PEX11G: variants seen among roughly 807,000 people sequenced by gnomAD.
PEX11G encodes the protein peroxisomal biogenesis factor 11 gamma, also known as peroxisomal membrane protein 11C.
PEX11G carries 20 observed loss-of-function variants against 22.5 expected under a neutral mutation model. The observed-to-expected ratio is 0.89, with a 90% CI of 0.62 to 1.29. The LOEUF (loss-of-function observed/expected upper bound fraction) is 1.29. PEX11G is among the 50% of genes most tolerant of loss of function. The probability of loss-of-function intolerance (pLI) is 0.00; values close to 1 mark genes in which losing one functional copy is unlikely to be tolerated. For missense variants in PEX11G, 347 were observed against 331.3 expected (o/e 1.05, Z -0.37); for synonymous variants, 141 against 154.5 (o/e 0.91, Z 0.65).
At chr19:7,489,256 G>C (rs913422933), upstream of PEX11G, 1 of 1,247,190 alleles carries the variant, frequency 8.0e-7, no homozygotes, top group African/African-American at 1.6e-5. Context: ...CCCCACGGCG[G>C]TTTGGCCAAC....
At chr19:7,485,204 C>A (rs1469348133) in intron 2 of PEX11G, among the ~76,000 whole-genome samples, 1 of 152,128 alleles carries the variant, frequency 6.6e-6, no homozygotes, top group Non-Finnish European at 1.5e-5. Flanking sequence ...AGTCTCGCTC[C>A]ATTGCCCAGG....
intron 1 of PEX11G, among the ~76,000 whole-genome samples, chr19:7,486,675 C>G (rs1378088650): frequency 2.6e-5 from 4 of 151,994 alleles, no homozygotes; most frequent in Admixed American, 6.6e-5. Flanking sequence ...TCTCGGCTCA[C>G]TGCAAGCTCC....
chr19:7,490,832 G>A (rs1166640791), upstream of PEX11G: 1 of 151,574 alleles, frequency 6.6e-6, no homozygotes, highest in Non-Finnish European at 1.5e-5. Flanking sequence ...AGAGTGCAGC[G>A]GCACGATCTT....
At chr19:7,483,962 C>A (rs576477760) in intron 2 of PEX11G, among the ~76,000 whole-genome samples, 53 of 151,954 alleles carry the variant, frequency 3.5e-4, no homozygotes, top group African/African-American at 9.9e-4. Context: ...CCTTAGAAAT[C>A]ATTGCCCTGT....
chr19:7,491,816 C>T (rs2021895723), upstream of PEX11G, among the ~76,000 whole-genome samples: 1 of 151,978 alleles, frequency 6.6e-6, no homozygotes, highest in African/African-American at 2.4e-5. Context: ...CCACATCTGG[C>T]CAATTTTTAA....
chr19:7,494,535 C>T lies in PEX11G; in HGVS notation c.-457+2868G>A, dbSNP rs548432811. Among the ~76,000 whole-genome samples the T allele has an allele frequency of 5.9e-5, 9 of 152,288 alleles. No homozygotes were observed. In the South Asian group the frequency reaches 1.2e-3, roughly 21 times the overall value. The stretch of plus-strand genomic sequence containing the variant: ...CTTGGAACAGCGCAATGCATTTGCC[C>T]GAATGCTTCCTGTGTGCCGGGTCCC... On this transcript the variant is annotated intron_variant, in intron 1 of 6. Coordinates refer to the PEX11G transcript ENST00000593942.
rs1568378267 is a variant in PEX11G, at chr19:7,478,395, A to G, written c.429-19T>C. ...CAGGGACCTGCAGCACCAGAGCCCG[A>G]GGGAGGATGCCCCGGCGGGGAGCAG... On this transcript the variant is annotated intron_variant, in intron 3 of 4. Coordinates refer to ENST00000221480, the MANE Select transcript of PEX11G (RefSeq NM_080662.4). 1.2e-5 allele frequency: 19 copies of G among 1,602,904 alleles called. No homozygotes were observed. In the South Asian group the frequency reaches 2.1e-4, roughly 18 times the overall value.
At chr19:7,478,615 A>G (rs925774068) in intron 3 of PEX11G, among the ~76,000 whole-genome samples, 3 of 152,022 alleles carry the variant, frequency 2.0e-5, no homozygotes, top group Non-Finnish European at 4.4e-5. Flanking sequence ...GTGGCCATCC[A>G]GGGCCTGGCC....
In PEX11G at chr19:7,477,010, T is replaced by C. The variant is rs1034893239; in HGVS notation, c.*192A>G. ...TGCTGCTGAAGCCCTGCACGGCCCC[T>C]GAAAACTGTCACGGCTCAGGAGCTC... is the stretch of plus-strand genomic sequence containing the variant. On this transcript the variant is annotated 3_prime_UTR_variant, in exon 5 of 5. Coordinates refer to ENST00000221480, the MANE Select transcript of PEX11G (RefSeq NM_080662.4). 6.6e-6 allele frequency: 3 copies of C among 452,718 alleles called. No homozygotes were observed. Among genetic ancestry groups the C allele is most frequent in the Non-Finnish European group, 1.1e-5 (3 of 267,250 alleles). The allele number at this position is 452,718 out of a possible 1,614,324, so 28.0% of individuals were successfully genotyped here. A position where few individuals can be genotyped will look rare whatever the true frequency, so the allele number is the denominator to read the frequency against.
chr19:7,493,906 ACT>A (rs1233129499), upstream of PEX11G, among the ~76,000 whole-genome samples: 325 of 124,560 alleles, frequency 2.6e-3, no homozygotes, highest in African/African-American at 9.5e-3. Flanking sequence ...TGGGGGGGTC[ACT>A]CTTTTTTTTT....
Position 7,482,174 on chromosome 19 carries a change from C to T in PEX11G, c.287G>A (p.Gly96Glu). ...DAFVRCVSVL[G>E]NLADQLYYPC... Reference sequence around the variant, plus strand: ...GTAGTAGAGCTGGTCAGCCAGGTTCCCTAGGACGGAGACACAGCGGACAAA... The same window carrying T: ...GTAGTAGAGCTGGTCAGCCAGGTTCTCTAGGACGGAGACACAGCGGACAAA... Residue 96 changes from glycine to glutamate, a missense_variant, in exon 3 of 5, where the codon GGG becomes GAG. Physicochemically the swap from Gly to Glu is moderately conservative, Grantham distance 98. Transcript: ENST00000221480. 6.3e-7 allele frequency: 1 copy of T among 1,585,354 alleles called. No homozygotes were observed. The highest frequency in any genetic ancestry group is 8.6e-7 in the Non-Finnish European group (1 of 1,166,506).
At position 7,477,118 on chromosome 19, in the gene PEX11G, C is replaced by G. The variant is rs1470795022; in HGVS notation, c.*84G>C. 2 of 1,290,938 alleles carry G rather than the reference C, an allele frequency of 1.5e-6. No homozygotes were observed. The highest frequency in any genetic ancestry group is 3.1e-5 in the African/African-American group (2 of 64,326). The allele number at this position is 1,290,938 out of a possible 1,614,324, so 80.0% of individuals were successfully genotyped here. The stretch of plus-strand genomic sequence containing the variant: ...TCACCACAGGCAGCTCCATGAGAGC[C>G]CCGGCCCCTGCCCTGGCGGCTTCTG... On this transcript the variant is annotated 3_prime_UTR_variant, in exon 5 of 5. Coordinates refer to ENST00000221480, the MANE Select transcript of PEX11G (RefSeq NM_080662.4).
chr19:7,486,233 T>A (rs1189280277), intron 1 of PEX11G, among the ~76,000 whole-genome samples: 1 of 152,018 alleles, frequency 6.6e-6, no homozygotes, highest in South Asian at 2.1e-4. Context: ...TTCAAGCAAT[T>A]CTTGTGCCTC....
At chr19:7,489,607 ATTT>A, upstream of PEX11G, 1 of 655,842 alleles carries the variant, frequency 1.5e-6, no homozygotes, top group South Asian at 6.8e-5. Context: ...GTTTCGGGGT[ATTT>A]TTATCACCCC....
intron 1 of PEX11G, among the ~76,000 whole-genome samples, chr19:7,494,772 C>T (rs569404314): frequency 1.4e-4 from 21 of 152,270 alleles, no homozygotes; most frequent in South Asian, 2.1e-4. Context: ...TCTCACATGA[C>T]GCCGACATCA....
chr19:7,488,576 G>T (rs941698863), intron 1 of PEX11G, among the ~76,000 whole-genome samples: 4 of 152,202 alleles, frequency 2.6e-5, no homozygotes, highest in African/African-American at 9.7e-5. Context: ...GAGGCAGGTG[G>T]ATCGCTTGAG....
Position 7,482,103 on chromosome 19 carries a change from C to A in PEX11G, c.358G>T (p.Val120Leu), listed in dbSNP as rs1447767096. The change falls in exon 3 of 5, where the codon GTG (valine) becomes TTG (leucine). Residue 120 changes from valine (V) to leucine (L), a missense_variant. Coordinates refer to ENST00000221480, the MANE Select transcript of PEX11G (RefSeq NM_080662.4). The part of the protein sequence containing the change: ...AWAADARVLH[V>L]DSSRWWTLST... ...AGCGTCCACCACCGAGAAGAGTCCA[C>A]GTGGAGGACCCGGGCATCAGCCGCC... 5.6e-6 allele frequency: 9 copies of A among 1,603,578 alleles called. No homozygotes were observed. Among genetic ancestry groups the A allele is most frequent in the Non-Finnish European group, 7.7e-6 (9 of 1,175,838 alleles).
At chr19:7,486,624 G>A (rs1568383319) in intron 1 of PEX11G, among the ~76,000 whole-genome samples, 2 of 151,734 alleles carry the variant, frequency 1.3e-5, no homozygotes, top group Non-Finnish European at 2.9e-5. Context: ...TTTTGAGACG[G>A]AGTCTTGCTC....
intron 1 of PEX11G, among the ~76,000 whole-genome samples, chr19:7,494,671 G>T (rs1006078921): frequency 2.0e-5 from 3 of 152,134 alleles, no homozygotes; most frequent in African/African-American, 7.2e-5. Context: ...CACAGGAGCT[G>T]GCCTGGTGTT....
Sources: gnomAD v4.1 joint callset for allele counts (sites outside exome capture counted in the v4.1 genomes callset) on GRCh38, gnomAD v4.1.1 for gene constraint, MANE v1.5 for transcripts, NCBI Gene and HGNC (gene_info 2026-07-23, HGNC 2026-07-21) for gene names.